The following TRIM4 variants were observed in gnomAD, a reference collection of about 807,000 sequenced individuals.
The protein encoded by TRIM4 is tripartite motif containing 4.
A neutral mutation model predicts 33.7 loss-of-function variants in TRIM4; 29 were observed. That is an observed-to-expected ratio of 0.86 (90% CI 0.64 to 1.17). TRIM4 has a LOEUF of 1.17. Among genes scored for constraint, TRIM4 ranks in the 50% most tolerant of loss-of-function variants. The probability of loss-of-function intolerance (pLI) is 0.00; values close to 1 mark genes in which losing one functional copy is unlikely to be tolerated. For synonymous variants in TRIM4, 224 were observed against 233.0 expected, an observed-to-expected ratio of 0.96 and a Z score of 0.35; for missense variants, 554 against 593.7, an observed-to-expected ratio of 0.93 and a Z score of 0.69.
intron 1 of TRIM4, among the ~76,000 whole-genome samples, chr7:99,914,380 T>TC (rs1819506623): frequency 6.6e-6 from 1 of 152,156 alleles, no homozygotes; most frequent in Non-Finnish European, 1.5e-5. Flanking sequence ...GGTCTTGAAC[T>TC]CCCGGACTCA....
chr7:99,919,003 G>A lies in TRIM4; in HGVS notation c.393+6C>T. On this transcript the variant is annotated splice_donor_region_variant and intron_variant, in intron 1 of 5. Transcript: ENST00000349062. Reference sequence around the variant, plus strand: ...CCCGTCATAGTCACCGCGACGGCCAGCTCACCCGGTAGCTCTCGAAGGCCT... The same window carrying A: ...CCCGTCATAGTCACCGCGACGGCCAACTCACCCGGTAGCTCTCGAAGGCCT... 1 of 1,585,254 alleles carries A rather than the reference G, an allele frequency of 6.3e-7. No individual in the cohort carries two copies. The highest frequency in any genetic ancestry group is 1.7e-5 in the Admixed American group (1 of 57,860).
In TRIM4 at chr7:99,908,644, A is replaced by G. The variant is rs756527925; in HGVS notation, c.658T>C (p.Leu220=). The G allele has an allele frequency of 5.6e-6, 9 of 1,614,042 alleles. No homozygotes were observed. Among genetic ancestry groups the G allele is most frequent in the Non-Finnish European group, 7.6e-6 (9 of 1,180,018 alleles). Residue 220 remains leucine, a synonymous_variant, in exon 3 of 6, where the codon TTG becomes CTG. Coordinates refer to ENST00000349062, the MANE Select transcript of TRIM4 (RefSeq NM_033091.3). ...CCCACCTCTAAGATGAGCTTCTTCA[A>G]TGAAGCGATAGTTTGATTGAGTTTT... ...TLKLNQTIAS[L]KKLILEVGEK...
At chr7:99,899,644 A>T (rs76972859) in intron 5 of TRIM4, among the ~76,000 whole-genome samples, 1 of 152,186 alleles carries the variant, frequency 6.6e-6, no homozygotes, top group Non-Finnish European at 1.5e-5. Context: ...ACTTTTAAAT[A>T]TAAGTTCCAA....
intron 1 of TRIM4, among the ~76,000 whole-genome samples, chr7:99,912,839 T>A (rs769827119): frequency 2.0e-5 from 3 of 152,252 alleles, no homozygotes; most frequent in Non-Finnish European, 2.9e-5. Context: ...TTCTGTTAAA[T>A]GGCACAATAC....
intron 5 of TRIM4, chr7:99,902,311 A>G (rs1819194329): frequency 1.5e-6 from 1 of 648,126 alleles, no homozygotes; most frequent in South Asian, 1.7e-5. Context: ...CAGTGGATAC[A>G]ATCTCAGCTC....
chr7:99,899,760 G>C (rs1330069860), intron 5 of TRIM4, among the ~76,000 whole-genome samples: 1 of 152,132 alleles, frequency 6.6e-6, no homozygotes. Flanking sequence ...GGGTGGGTGT[G>C]TGTGCGCACA....
At chr7:99,906,120 C>T (rs1000142055) in intron 3 of TRIM4, among the ~76,000 whole-genome samples, 6 of 151,212 alleles carry the variant, frequency 4.0e-5, no homozygotes, top group Middle Eastern at 3.4e-3. Flanking sequence ...ACTCCAGCCT[C>T]GGCCACACAG....
intron 5 of TRIM4, 98 bp downstream of exon 5, chr7:99,903,120 A>T: frequency 1.2e-6 from 1 of 866,522 alleles, no homozygotes; most frequent in Non-Finnish European, 1.8e-6. Flanking sequence ...ACACTCTATT[A>T]GCTGCATGCT....
chr7:99,892,493 C>A lies in TRIM4; in HGVS notation c.1095G>T (p.Glu365Asp), dbSNP rs765639206. ...CCTCCCGACACACCCCAACAGCAAC[C>A]TCCAGACTATCTCTACTCTCAACTT... ...YWEVESRDSL[E>D]VAVGVCREDV... Residue 365 changes from glutamate (E) to aspartate (D), a missense_variant, in exon 6 of 6, where the codon GAG (glutamate) becomes GAT (aspartate). This residue lies in a region of TRIM4 where 290 missense variants were observed against 335.8 expected (regional missense o/e 0.86). Transcript: ENST00000349062. 14 of 1,614,200 alleles carry A rather than the reference C, an allele frequency of 8.7e-6. No homozygotes were observed. Among genetic ancestry groups the A allele is most frequent in the Non-Finnish European group, 1.2e-5 (14 of 1,180,036 alleles).
intron 3 of TRIM4, among the ~76,000 whole-genome samples, chr7:99,906,556 G>T (rs549323160): frequency 2.0e-5 from 3 of 152,084 alleles, no homozygotes; most frequent in African/African-American, 7.2e-5. Context: ...AAAATCTGTG[G>T]AATACAGAGC....
At chr7:99,913,848 C>G (rs760093219) in intron 1 of TRIM4, among the ~76,000 whole-genome samples, 3 of 152,126 alleles carry the variant, frequency 2.0e-5, no homozygotes, top group Non-Finnish European at 4.4e-5. Flanking sequence ...CATTAAACTT[C>G]CAAAGATCTT....
rs1286922556 is a variant in TRIM4 at position 99,903,248 on chromosome 7, A to G, written c.811T>C (p.Leu271=). 9.3e-6 allele frequency: 15 copies of G among 1,613,030 alleles called. No individual in the cohort carries two copies. The highest frequency in any genetic ancestry group is 5.5e-5 in the South Asian group (5 of 91,030). The change falls in exon 5 of 6, where the codon TTG becomes CTG. Residue 271 remains leucine (L), a synonymous_variant. Transcript: ENST00000349062. ...AATCGCTTTAGCATTTCCTTCATCA[A>G]TGGTATCTGGCACACTGTCTTCACC... is the stretch of plus-strand genomic sequence containing the variant. The part of the protein sequence containing the change: ...VKVKTVCQIP[L]MKEMLKRFQV...
chr7:99,901,908 G>T (rs1819180154), intron 5 of TRIM4: 1 of 591,260 alleles, frequency 1.7e-6, no homozygotes, highest in South Asian at 2.1e-5. Flanking sequence ...ATACTGCCCA[G>T]TACTTTGCGA....
intron 1 of TRIM4, among the ~76,000 whole-genome samples, chr7:99,914,679 C>T (rs532465882): frequency 1.3e-5 from 2 of 152,314 alleles, no homozygotes; most frequent in South Asian, 4.1e-4. Flanking sequence ...TCCAGCTCTC[C>T]CCCGCCTCAG....
intron 1 of TRIM4, chr7:99,916,776 C>G: frequency 1.3e-6 from 1 of 781,010 alleles, no homozygotes; most frequent in Non-Finnish European, 2.4e-6. Flanking sequence ...TCAAAGTTAC[C>G]TGTCTAAAAC....
rs1818897065 is a variant in TRIM4, at chr7:99,891,760, A to AT, written c.*402_*403insA. Reference sequence around the variant, plus strand: ...AAATTGTCTTATACAATAAGGGCGTAATTATCTCATATAACAAGAAGCTTG... The same window carrying AT: ...AAATTGTCTTATACAATAAGGGCGTATATTATCTCATATAACAAGAAGCTTG... On this transcript the variant is annotated 3_prime_UTR_variant, in exon 6 of 6. Coordinates refer to ENST00000349062, the MANE Select transcript of TRIM4 (RefSeq NM_033091.3). 2 of 174,334 alleles carry AT rather than the reference A, an allele frequency of 1.1e-5. No homozygotes were observed. The highest frequency in any genetic ancestry group is 2.5e-5 in the Non-Finnish European group (2 of 80,666). The allele number at this position is 174,334 out of a possible 1,614,324, so 10.8% of individuals were successfully genotyped here. A position where few individuals can be genotyped will look rare whatever the true frequency, so the allele number is the denominator to read the frequency against.
At chr7:99,905,367 G>A (rs886082968) in intron 3 of TRIM4, among the ~76,000 whole-genome samples, 1 of 152,168 alleles carries the variant, frequency 6.6e-6, no homozygotes, top group African/African-American at 2.4e-5. Flanking sequence ...GTTCTCACAG[G>A]TATACAACTG....
At chr7:99,917,718 T>A (rs1819586905) in intron 1 of TRIM4, 1 of 804,780 alleles carries the variant, frequency 1.2e-6, no homozygotes, top group African/African-American at 1.9e-5. Flanking sequence ...AAACTCCATC[T>A]CAAAAACAAT....
At chr7:99,904,978 C>T (rs1819264180) in intron 3 of TRIM4, among the ~76,000 whole-genome samples, 1 of 151,732 alleles carries the variant, frequency 6.6e-6, no homozygotes, top group Non-Finnish European at 1.5e-5. Flanking sequence ...TTGCAGTAAG[C>T]CAAGATGGTG....
Sources: allele counts gnomAD v4.1 joint callset (sites outside exome capture counted in the v4.1 genomes callset), GRCh38; gene constraint gnomAD v4.1.1; regional missense constraint gnomAD v4.1.1; transcripts MANE v1.5; gene names NCBI Gene and HGNC (gene_info 2026-07-23, HGNC 2026-07-21).